The following SPIDR variants were observed in gnomAD, a reference collection of about 807,000 sequenced individuals.
SPIDR encodes the protein scaffold protein involved in DNA repair.
Under a neutral mutation model 104.6 loss-of-function variants are expected in SPIDR, and 93 were observed. The ratio of observed to expected loss-of-function variants is 0.89; its 90% CI spans 0.75 to 1.06. SPIDR has a LOEUF of 1.06. SPIDR is among the 50% of genes least tolerant of loss of function. SPIDR has a pLI of 0.00. For synonymous variants in SPIDR, 431 were observed against 416.9 expected (o/e 1.03, Z -0.41); for missense variants, 1,154 against 1,111.2 (o/e 1.04, Z -0.55).
At chr8:47,299,206 CTT>C (rs2041534352) in intron 5 of SPIDR, among the ~76,000 whole-genome samples, 1 of 152,296 alleles carries the variant, frequency 6.6e-6, no homozygotes, top group African/African-American at 2.4e-5. Context: ...ATTTTATTCT[CTT>C]TGAAGCAATT....
chr8:47,328,267 T>C (rs1304293648), intron 5 of SPIDR, among the ~76,000 whole-genome samples: 1 of 152,046 alleles, frequency 6.6e-6, no homozygotes, highest in Non-Finnish European at 1.5e-5. Context: ...ACTACATTTT[T>C]TTTTTTAAAG....
Position 47,700,479 on chromosome 8 carries a change from C to T in SPIDR, c.1762C>T (p.Pro588Ser), listed in dbSNP as rs959989465. 6.2e-7 allele frequency: 1 copy of T among 1,614,086 alleles called. No homozygotes were observed. The highest frequency in any genetic ancestry group is 8.5e-7 in the Non-Finnish European group (1 of 1,179,904). The change falls in exon 12 of 20, where the codon CCC (proline) becomes TCC (serine). Residue 588 changes from proline to serine, a missense_variant. Transcript: ENST00000297423. Reference protein sequence around the residue: ...IPLKTPGRDQPCEEIKTHLPP... With the variant: ...IPLKTPGRDQSCEEIKTHLPP... ...TCTGAAAACACCTGGCCGCGACCAG[C>T]CCTGTGAAGAGGTAAGCCCGGCACT... is the stretch of plus-strand genomic sequence containing the variant.
rs765087666 is a variant in SPIDR at position 47,673,799 on chromosome 8, A to G, written c.1545-2A>G. The G allele has an allele frequency of 3.1e-6, 5 of 1,614,168 alleles. No homozygotes were observed. The South Asian group carries it at 5.5e-5, about 18-fold the overall frequency. ...AAGACAAATGTGAATGGTTTTTTAC[A>G]GAGCCTGCCTTCTGGTACAAGATGC... is the stretch of plus-strand genomic sequence containing the variant. On this transcript the variant is annotated splice_acceptor_variant, in intron 10 of 19. Coordinates refer to ENST00000297423, the MANE Select transcript of SPIDR (RefSeq NM_001080394.4). LOFTEE classifies it high-confidence loss of function.
At chr8:47,393,060 A>T (rs1260838012) in intron 5 of SPIDR, among the ~76,000 whole-genome samples, 8 of 152,236 alleles carry the variant, frequency 5.3e-5, no homozygotes, top group Admixed American at 5.2e-4. Flanking sequence ...GTGCCTTCAC[A>T]TCCTGATTCT....
intron 1 of SPIDR, among the ~76,000 whole-genome samples, chr8:47,274,610 C>G (rs2035998548): frequency 6.6e-6 from 1 of 151,050 alleles, no homozygotes; most frequent in African/African-American, 2.4e-5. Flanking sequence ...TGGAGTCTCG[C>G]TCTATCACCC....
chr8:47,531,035 C>T (rs943809590), intron 8 of SPIDR, among the ~76,000 whole-genome samples: 2 of 152,108 alleles, frequency 1.3e-5, no homozygotes, highest in African/African-American at 4.8e-5. Context: ...TTAAGCATTC[C>T]AAGTAGTTAG....
At chr8:47,689,474 C>T (rs540139835) in intron 11 of SPIDR, among the ~76,000 whole-genome samples, 1 of 152,238 alleles carries the variant, frequency 6.6e-6, no homozygotes, top group African/African-American at 2.4e-5. Context: ...TATTATTTTA[C>T]CCACTTCACA....
At chr8:47,715,565 C>G (rs1175756695) in intron 16 of SPIDR, among the ~76,000 whole-genome samples, 1 of 152,170 alleles carries the variant, frequency 6.6e-6, no homozygotes, top group Non-Finnish European at 1.5e-5. Context: ...ATGGAAAGAG[C>G]CGTGATTACT....
At chr8:47,685,941 G>A (rs915791004) in intron 11 of SPIDR, among the ~76,000 whole-genome samples, 2 of 152,084 alleles carry the variant, frequency 1.3e-5, no homozygotes, top group Non-Finnish European at 2.9e-5. Context: ...AGGATCACTT[G>A]GGTGCAGGAG....
intron 10 of SPIDR, among the ~76,000 whole-genome samples, chr8:47,643,110 CATCTT>C (rs2069479613): frequency 6.6e-6 from 1 of 152,128 alleles, no homozygotes; most frequent in Non-Finnish European, 1.5e-5. Flanking sequence ...TCTCAGCTAA[CATCTT>C]ATACCTAGAT....
intron 10 of SPIDR, among the ~76,000 whole-genome samples, chr8:47,631,186 G>T (rs1340095491): frequency 6.6e-6 from 1 of 152,166 alleles, no homozygotes; most frequent in African/African-American, 2.4e-5. Context: ...CCTGCCTCAT[G>T]CAACCCATGG....
intron 5 of SPIDR, among the ~76,000 whole-genome samples, chr8:47,342,854 A>C: frequency 6.6e-6 from 1 of 152,324 alleles, no homozygotes; most frequent in African/African-American, 2.4e-5. Flanking sequence ...AAACCAGACT[A>C]GTCATATTTA....
At chr8:47,553,678 G>A (rs531827685) in intron 8 of SPIDR, among the ~76,000 whole-genome samples, 30 of 152,226 alleles carry the variant, frequency 2.0e-4, no homozygotes, top group East Asian at 7.7e-4. Flanking sequence ...GCTTCTTTGC[G>A]ATGGGTTCGA....
chr8:47,493,461 AT>A (rs1444864584), intron 8 of SPIDR, among the ~76,000 whole-genome samples: 12 of 152,128 alleles, frequency 7.9e-5, no homozygotes, highest in Non-Finnish European at 1.5e-4. Flanking sequence ...TCTTTCAAGT[AT>A]TGTGCTTTGT....
At chr8:47,375,065 C>CA (rs2058488800) in intron 5 of SPIDR, among the ~76,000 whole-genome samples, 2 of 151,822 alleles carry the variant, frequency 1.3e-5, no homozygotes, top group Admixed American at 6.6e-5. Context: ...CCTCTTCCCC[C>CA]AAAAAACCCC....
At chr8:47,651,239 C>T (rs182959552) in intron 10 of SPIDR, among the ~76,000 whole-genome samples, 77 of 152,044 alleles carry the variant, frequency 5.1e-4, no homozygotes, top group Non-Finnish European at 9.3e-4. Flanking sequence ...TCAAGCAAAT[C>T]AGCAAGGAAA....
At chr8:47,695,408 G>A (rs2079190348) in intron 11 of SPIDR, among the ~76,000 whole-genome samples, 1 of 152,080 alleles carries the variant, frequency 6.6e-6, no homozygotes, top group Admixed American at 6.6e-5. Flanking sequence ...AGCTCTCTGA[G>A]GGTGAGTCCA....
chr8:47,559,615 T>C (rs2056822080), intron 8 of SPIDR, among the ~76,000 whole-genome samples: 1 of 152,204 alleles, frequency 6.6e-6, no homozygotes, highest in Non-Finnish European at 1.5e-5. Context: ...GCAAGTGTTG[T>C]TGAGAAGACA....
intron 5 of SPIDR, among the ~76,000 whole-genome samples, chr8:47,310,229 G>T (rs2043882213): frequency 6.6e-6 from 1 of 151,534 alleles, no homozygotes. Flanking sequence ...AGCTACTCGG[G>T]AGGCTGAGGC....
Sources: allele counts gnomAD v4.1 joint callset (sites outside exome capture counted in the v4.1 genomes callset), GRCh38; gene constraint gnomAD v4.1.1; transcripts MANE v1.5; gene names NCBI Gene and HGNC (gene_info 2026-07-23, HGNC 2026-07-21).